PRMT3: variants seen among roughly 807,000 people sequenced by gnomAD.
PRMT3 encodes the protein protein arginine methyltransferase 3.
Under a neutral mutation model 71.9 loss-of-function variants are expected in PRMT3, and 62 were observed. The observed-to-expected ratio is 0.86, with a 90% CI of 0.70 to 1.07. The LOEUF (loss-of-function observed/expected upper bound fraction) is 1.07, where lower values mean the gene tolerates loss of function less well. Ranked by LOEUF, PRMT3 falls within the 50% of genes least tolerant of loss-of-function variation. The pLI is 0.00. For missense variants in PRMT3, 663 were observed against 643.0 expected (o/e 1.03, Z -0.34); for synonymous variants, 213 against 220.4 (o/e 0.97, Z 0.30).
At chr11:20,394,329 G>A (rs1382639202) in intron 5 of PRMT3, among the ~76,000 whole-genome samples, 1 of 152,060 alleles carries the variant, frequency 6.6e-6, no homozygotes, top group East Asian at 1.9e-4. Context: ...CTAGGAATTA[G>A]GATATTTAAT....
intron 7 of PRMT3, among the ~76,000 whole-genome samples, chr11:20,401,189 A>G (rs6483671): frequency 0.82 from 124,764 of 152,094 alleles, 53,101 homozygotes; most frequent in Non-Finnish European, 0.95. Context: ...AAGGGGAAGT[A>G]GTGGTCAGGC....
intron 10 of PRMT3, among the ~76,000 whole-genome samples, chr11:20,438,987 T>G (rs1302752480): frequency 6.6e-6 from 1 of 152,170 alleles, no homozygotes; most frequent in African/African-American, 2.4e-5. Context: ...CTCACAACTC[T>G]GCCTGGGGAA....
At chr11:20,398,386 A>G (rs1198710452) in intron 7 of PRMT3, among the ~76,000 whole-genome samples, 3 of 152,184 alleles carry the variant, frequency 2.0e-5, no homozygotes, top group Non-Finnish European at 4.4e-5. Context: ...ACAGTTGTGC[A>G]CTGCATGCTA....
intron 9 of PRMT3, among the ~76,000 whole-genome samples, chr11:20,422,056 A>G (rs1002794035): frequency 6.6e-6 from 1 of 152,168 alleles, no homozygotes; most frequent in East Asian, 1.9e-4. Flanking sequence ...GTATGCTGCA[A>G]TCCTACTTTT....
At chr11:20,455,323 A>G (rs1360357954) in intron 11 of PRMT3, among the ~76,000 whole-genome samples, 1 of 152,084 alleles carries the variant, frequency 6.6e-6, no homozygotes, top group Admixed American at 6.5e-5. Context: ...CTTTAATAAT[A>G]GAAACTTAAA....
At chr11:20,419,816 G>A (rs1849387107) in intron 9 of PRMT3, among the ~76,000 whole-genome samples, 1 of 152,126 alleles carries the variant, frequency 6.6e-6, no homozygotes, top group Non-Finnish European at 1.5e-5. Context: ...CATTAAGGCA[G>A]TAGAACCGAA....
At chr11:20,411,331 A>G (rs1197113481) in intron 9 of PRMT3, among the ~76,000 whole-genome samples, 1 of 152,070 alleles carries the variant, frequency 6.6e-6, no homozygotes, top group Non-Finnish European at 1.5e-5. Flanking sequence ...TTTGTCAGCC[A>G]GATTTTTGAA....
chr11:20,398,849 C>G (rs1399152237), intron 7 of PRMT3, among the ~76,000 whole-genome samples: 3 of 152,182 alleles, frequency 2.0e-5, no homozygotes, highest in Admixed American at 1.3e-4. Flanking sequence ...GAAGTATTCT[C>G]TATGATGTTC....
chr11:20,487,508 A>G (rs1227882782), intron 13 of PRMT3, among the ~76,000 whole-genome samples: 1 of 152,184 alleles, frequency 6.6e-6, no homozygotes, highest in Non-Finnish European at 1.5e-5. Context: ...ATCTTTGCTT[A>G]AGAGTATTAG....
intron 10 of PRMT3, among the ~76,000 whole-genome samples, chr11:20,446,726 A>G (rs77474503): frequency 0.03 from 4,546 of 152,246 alleles, 226 homozygotes; most frequent in African/African-American, 0.1. Flanking sequence ...ATCTTGGCCA[A>G]ATACATTAAA....
intron 11 of PRMT3, among the ~76,000 whole-genome samples, chr11:20,461,243 A>C (rs1850376653): frequency 6.6e-6 from 1 of 150,946 alleles, no homozygotes; most frequent in Non-Finnish European, 1.5e-5. Context: ...TTCCCTCCCC[A>C]CTCCCAACTT....
At chr11:20,408,911 T>C (rs1181374715) in intron 9 of PRMT3, among the ~76,000 whole-genome samples, 1 of 151,720 alleles carries the variant, frequency 6.6e-6, no homozygotes, top group Non-Finnish European at 1.5e-5. Context: ...CTAGGCAAAA[T>C]AGTGAGACTC....
Position 20,461,561 on chromosome 11 carries a change from C to A in PRMT3, c.1073-419C>A, listed in dbSNP as rs114191134. 9.5e-3 allele frequency among the ~76,000 whole-genome samples: 1,445 copies of A among 152,012 alleles called. 16 individuals are homozygous for A. Among genetic ancestry groups the A allele is most frequent in the African/African-American group, 0.034 (1,391 of 41,436 alleles). ...GTGGTCTTCTGTATAACTATAAAAC[C>A]CTATTACATGATTTTCTTACATGCT... is the stretch of plus-strand genomic sequence containing the variant. On this transcript the variant is annotated intron_variant, in intron 11 of 15. Coordinates refer to ENST00000331079, the MANE Select transcript of PRMT3 (RefSeq NM_005788.4).
At chr11:20,486,371 G>A (rs6483696) in intron 13 of PRMT3, among the ~76,000 whole-genome samples, 148,229 of 152,304 alleles carry the variant, frequency 0.97, 72,444 homozygotes, top group Middle Eastern at 1. Flanking sequence ...ATATCCTAGT[G>A]AAACTACAGA....
intron 2 of PRMT3, among the ~76,000 whole-genome samples, chr11:20,388,362 A>G (rs1423571168): frequency 2.0e-5 from 3 of 152,212 alleles, no homozygotes; most frequent in Admixed American, 2.0e-4. Context: ...GTTGTACTGC[A>G]AGCTTTTGAC....
At chr11:20,494,064 C>T in intron 14 of PRMT3, 95 bp downstream of exon 14, 4 of 1,439,246 alleles carry the variant, frequency 2.8e-6, no homozygotes, top group Non-Finnish European at 3.9e-6. Context: ...AAGCATTTTG[C>T]TGCTGTAAGC....
intron 9 of PRMT3, among the ~76,000 whole-genome samples, chr11:20,415,726 G>A (rs1032709143): frequency 3.3e-5 from 5 of 152,166 alleles, no homozygotes; most frequent in Admixed American, 2.0e-4. Flanking sequence ...TAACAAGTGT[G>A]CATGATGAAT....
chr11:20,476,673 CTTTCTGCTGTT>C (rs1254713058), intron 13 of PRMT3, among the ~76,000 whole-genome samples: 1 of 151,994 alleles, frequency 6.6e-6, no homozygotes, highest in Non-Finnish European at 1.5e-5. Flanking sequence ...TTTTTACATT[CTTTCTGCTGTT>C]CATTTTTAGC....
intron 13 of PRMT3, among the ~76,000 whole-genome samples, chr11:20,487,054 C>A (rs1411142158): frequency 7.0e-5 from 4 of 57,460 alleles, no homozygotes; most frequent in African/African-American, 1.7e-4. Context: ...GAGACTCCAT[C>A]TCAAGAAAAA....
Sources: allele counts gnomAD v4.1 joint callset (sites outside exome capture counted in the v4.1 genomes callset), GRCh38; gene constraint gnomAD v4.1.1; transcripts MANE v1.5; gene names NCBI Gene and HGNC (gene_info 2026-07-23, HGNC 2026-07-21).